The following PLCB1 variants were observed in gnomAD, a reference collection of about 807,000 sequenced individuals.
PLCB1 encodes the protein 1-phosphatidylinositol 4,5-bisphosphate phosphodiesterase beta-1.
Under a neutral mutation model 161.8 loss-of-function variants are expected in PLCB1, and 46 were observed. That is an observed-to-expected ratio of 0.28 (90% CI 0.22 to 0.36). The LOEUF is 0.36. PLCB1 is among the 10% of genes least tolerant of loss of function. PLCB1 has a pLI of 1.00. For missense variants in PLCB1, 1,016 were observed against 1,472.5 expected, an observed-to-expected ratio of 0.69 and a Z score of 5.07; for synonymous variants, 517 against 503.7, an observed-to-expected ratio of 1.03 and a Z score of -0.35.
At chr20:8,497,989 T>C (rs539756570) in intron 3 of PLCB1, among the ~76,000 whole-genome samples, 2 of 152,360 alleles carry the variant, frequency 1.3e-5, no homozygotes, top group East Asian at 3.9e-4. Flanking sequence ...TCTCCAAATA[T>C]CTTTTTGTTT....
At chr20:8,371,108 T>C (rs920353003) in intron 2 of PLCB1, 2 of 371,854 alleles carry the variant, frequency 5.4e-6, no homozygotes, top group African/African-American at 4.1e-5. Context: ...GAAGACCTGA[T>C]TCATCATGAT....
chr20:8,874,240 ACACACACACACACACG>A (rs1270921286), intron 31 of PLCB1, among the ~76,000 whole-genome samples: 1 of 134,848 alleles, frequency 7.4e-6, no homozygotes, highest in East Asian at 2.3e-4. Flanking sequence ...ACACACACAC[ACACACACACACACACG>A]CACAACAGAT....
chr20:8,536,684 CTTGG>C (rs1183563034), intron 3 of PLCB1, among the ~76,000 whole-genome samples: 4 of 152,158 alleles, frequency 2.6e-5, no homozygotes, highest in African/African-American at 9.7e-5. Context: ...TACATGGCCA[CTTGG>C]TACTACAAAA....
At chr20:8,844,902 A>T (rs182306732) in intron 31 of PLCB1, among the ~76,000 whole-genome samples, 5 of 152,020 alleles carry the variant, frequency 3.3e-5, no homozygotes, top group African/African-American at 7.2e-5. Context: ...CGAGATCAGG[A>T]GATTGAGACC....
intron 2 of PLCB1, among the ~76,000 whole-genome samples, chr20:8,349,547 A>C (rs542828999): frequency 6.6e-6 from 1 of 152,212 alleles, no homozygotes; most frequent in Non-Finnish European, 1.5e-5. Flanking sequence ...GAGCTGTCTG[A>C]ATAATTGCAG....
intron 31 of PLCB1, among the ~76,000 whole-genome samples, chr20:8,856,834 T>C (rs1251481753): frequency 1.3e-5 from 2 of 152,168 alleles, no homozygotes; most frequent in East Asian, 3.9e-4. Context: ...AGTCCATGAA[T>C]TTGTTGTATC....
chr20:8,323,255 C>T (rs144862429), intron 2 of PLCB1, among the ~76,000 whole-genome samples: 202 of 152,204 alleles, frequency 1.3e-3, no homozygotes, highest in African/African-American at 4.6e-3. Context: ...TTATAAAATA[C>T]ACAATGTTCC....
At chr20:8,514,381 A>G (rs1418128688) in intron 3 of PLCB1, among the ~76,000 whole-genome samples, 5 of 148,414 alleles carry the variant, frequency 3.4e-5, no homozygotes, top group Admixed American at 6.8e-5. Context: ...CGGAGGTTGT[A>G]GTGAGCTGAG....
intron 2 of PLCB1, among the ~76,000 whole-genome samples, chr20:8,177,466 A>T (rs2051795331): frequency 6.6e-6 from 1 of 152,102 alleles, no homozygotes; most frequent in Non-Finnish European, 1.5e-5. Flanking sequence ...ATTCAAATAA[A>T]TATGACTGCT....
intron 2 of PLCB1, among the ~76,000 whole-genome samples, chr20:8,252,948 C>G (rs1981227984): frequency 6.6e-6 from 1 of 151,904 alleles, no homozygotes. Flanking sequence ...GGGACAGTCC[C>G]TTTTTATGCC....
intron 26 of PLCB1, among the ~76,000 whole-genome samples, chr20:8,772,952 G>T (rs1483127897): frequency 6.6e-6 from 1 of 152,024 alleles, no homozygotes; most frequent in African/African-American, 2.4e-5. Context: ...GAAAAGAAAA[G>T]AAAAAAGATA....
At chr20:8,456,111 C>T (rs1981304889) in intron 3 of PLCB1, among the ~76,000 whole-genome samples, 1 of 152,172 alleles carries the variant, frequency 6.6e-6, no homozygotes, top group South Asian at 2.1e-4. Context: ...TGAATGATCT[C>T]ATATAACTTA....
intron 3 of PLCB1, among the ~76,000 whole-genome samples, chr20:8,407,577 T>C (rs558080505): frequency 6.6e-5 from 10 of 152,188 alleles, no homozygotes; most frequent in Non-Finnish European, 1.2e-4. Context: ...TTAAGACTTA[T>C]TCGCTATCAC....
intron 2 of PLCB1, among the ~76,000 whole-genome samples, chr20:8,336,390 A>G (rs1270225257): frequency 6.6e-6 from 1 of 152,236 alleles, no homozygotes; most frequent in Non-Finnish European, 1.5e-5. Flanking sequence ...TTCATATAAT[A>G]AAGACATTCT....
At chr20:8,358,577 C>G (rs1986440323) in intron 2 of PLCB1, among the ~76,000 whole-genome samples, 1 of 152,004 alleles carries the variant, frequency 6.6e-6, no homozygotes. Flanking sequence ...ATCTTGCTTC[C>G]TTCCTCCTCT....
At chr20:8,734,743 C>T (rs1980491430) in intron 19 of PLCB1, among the ~76,000 whole-genome samples, 1 of 151,996 alleles carries the variant, frequency 6.6e-6, no homozygotes. Context: ...ATCGTTAAAG[C>T]TTTTCAAAAA....
At chr20:8,689,328 C>T (rs747486557) in intron 10 of PLCB1, among the ~76,000 whole-genome samples, 23 of 152,014 alleles carry the variant, frequency 1.5e-4, no homozygotes, top group Non-Finnish European at 2.8e-4. Flanking sequence ...ATTTGGATGC[C>T]CTTTATTTCT....
At chr20:8,276,868 T>C (rs1269282079) in intron 2 of PLCB1, among the ~76,000 whole-genome samples, 1 of 152,014 alleles carries the variant, frequency 6.6e-6, no homozygotes, top group Admixed American at 6.6e-5. Flanking sequence ...GAGTTGGACT[T>C]CTATATCCTT....
At chr20:8,241,406 C>T (rs542743300) in intron 2 of PLCB1, among the ~76,000 whole-genome samples, 1 of 151,964 alleles carries the variant, frequency 6.6e-6, no homozygotes, top group South Asian at 2.1e-4. Context: ...AGGAGCACAG[C>T]ACTTGAACGC....
Sources: gnomAD v4.1 joint callset for allele counts (sites outside exome capture counted in the v4.1 genomes callset) on GRCh38, gnomAD v4.1.1 for gene constraint, MANE v1.5 for transcripts, NCBI Gene and HGNC (gene_info 2026-07-23, HGNC 2026-07-21) for gene names.